Variants in CLASP1 observed in about 807,000 individuals in gnomAD.
CLASP1 encodes cytoplasmic linker associated protein 1.
A neutral mutation model predicts 192.3 loss-of-function variants in CLASP1; 38 were observed. The observed-to-expected ratio is 0.20, with a 90% CI of 0.15 to 0.26. The LOEUF is 0.26. Ranked by LOEUF, CLASP1 falls within the 10% of genes least tolerant of loss-of-function variation. The pLI, the probability that CLASP1 is intolerant of heterozygous loss-of-function variation, is 1.00. For missense variants in CLASP1, 1,433 were observed against 1,932.5 expected (o/e 0.74, Z 4.85); for synonymous variants, 691 against 712.8 (o/e 0.97, Z 0.49).
At chr2:121,501,661 T>C (rs1180919216) in intron 8 of CLASP1, among the ~76,000 whole-genome samples, 1 of 152,204 alleles carries the variant, frequency 6.6e-6, no homozygotes, top group Non-Finnish European at 1.5e-5. Context: ...GTATTTTATA[T>C]AGGAAACATG....
chr2:121,439,268 A>G (rs536098666), intron 19 of CLASP1, among the ~76,000 whole-genome samples: 1 of 152,238 alleles, frequency 6.6e-6, no homozygotes, highest in Non-Finnish European at 1.5e-5. Flanking sequence ...TGATCCTTTC[A>G]AAAAACCAGC....
At chr2:121,430,107 G>T in exon 20 of CLASP1, 1 of 1,575,164 alleles carries the variant, frequency 6.3e-7, no homozygotes, top group Non-Finnish European at 8.6e-7. Context: ...CGCGACTGCG[G>T]CCCCGGTTAT....
At chr2:121,343,532 G>A (rs1438844933) in intron 39 of CLASP1, among the ~76,000 whole-genome samples, 2 of 152,210 alleles carry the variant, frequency 1.3e-5, no homozygotes, top group African/African-American at 4.8e-5. Flanking sequence ...GATAAGCCCT[G>A]AGGACATTAT....
At chr2:121,631,814 AGGTG>A (rs1456754446) in intron 1 of CLASP1, among the ~76,000 whole-genome samples, 10 of 151,504 alleles carry the variant, frequency 6.6e-5, no homozygotes, top group Non-Finnish European at 1.5e-4. Context: ...TGAGAGGCTG[AGGTG>A]GGTGGGTCAC....
intron 1 of CLASP1, among the ~76,000 whole-genome samples, chr2:121,617,879 C>T (rs2066718499): frequency 6.6e-6 from 1 of 152,210 alleles, no homozygotes; most frequent in Non-Finnish European, 1.5e-5. Flanking sequence ...CCAAATACCT[C>T]TGAGCTCTAG....
intron 22 of CLASP1, among the ~76,000 whole-genome samples, chr2:121,422,379 A>G (rs980416646): frequency 6.6e-6 from 1 of 152,224 alleles, no homozygotes; most frequent in Non-Finnish European, 1.5e-5. Context: ...GAAAACCTTA[A>G]CATTTAAAAT....
chr2:121,338,292 C>CA (rs2062501576), exon 40 of CLASP1: 1 of 152,300 alleles, frequency 6.6e-6, no homozygotes, highest in African/African-American at 2.4e-5. Flanking sequence ...GAAGCACACA[C>CA]AGTGTACTTG....
intron 2 of CLASP1, among the ~76,000 whole-genome samples, chr2:121,566,542 G>A (rs540559212): frequency 1.3e-5 from 2 of 152,300 alleles, no homozygotes; most frequent in East Asian, 3.9e-4. Context: ...CTGCAAACAG[G>A]ACTTCCTTAG....
chr2:121,538,336 C>T (rs1387377672), intron 2 of CLASP1, among the ~76,000 whole-genome samples: 2 of 151,768 alleles, frequency 1.3e-5, no homozygotes, highest in East Asian at 1.9e-4. Flanking sequence ...CGCTTGAAAC[C>T]GGGAGGCAGA....
At chr2:121,400,409 CAG>C (rs1301557041) in intron 28 of CLASP1, among the ~76,000 whole-genome samples, 1 of 152,122 alleles carries the variant, frequency 6.6e-6, no homozygotes, top group East Asian at 1.9e-4. Context: ...ACTTTGAAGT[CAG>C]AGTCATGTAA....
chr2:121,376,264 A>G (rs2070099975), intron 34 of CLASP1, among the ~76,000 whole-genome samples: 1 of 152,218 alleles, frequency 6.6e-6, no homozygotes, highest in Non-Finnish European at 1.5e-5. Context: ...TAGCCAAGAT[A>G]CAGAATCAAT....
chr2:121,417,817 C>T (rs1188730267), intron 23 of CLASP1, among the ~76,000 whole-genome samples: 1 of 152,196 alleles, frequency 6.6e-6, no homozygotes, highest in Non-Finnish European at 1.5e-5. Flanking sequence ...TTTAACATCC[C>T]TCTTTCGTAG....
intron 38 of CLASP1, among the ~76,000 whole-genome samples, chr2:121,347,845 T>C (rs892083590): frequency 6.6e-6 from 1 of 152,146 alleles, no homozygotes; most frequent in Non-Finnish European, 1.5e-5. Context: ...AACAGCAGCA[T>C]TGATTAAATG....
exon 28 of CLASP1, chr2:121,401,658 A>C: frequency 6.2e-7 from 1 of 1,609,824 alleles, no homozygotes; most frequent in Non-Finnish European, 8.5e-7. Flanking sequence ...GAGTCTCCAA[A>C]AACATACTGA....
At chr2:121,384,994 T>C in intron 32 of CLASP1, among the ~76,000 whole-genome samples, 1 of 151,946 alleles carries the variant, frequency 6.6e-6, no homozygotes, top group Non-Finnish European at 1.5e-5. Flanking sequence ...AAATGGCAGG[T>C]CACAGAAAAT....
chr2:121,631,720 G>T (rs2069694578), intron 1 of CLASP1, among the ~76,000 whole-genome samples: 1 of 152,056 alleles, frequency 6.6e-6, no homozygotes. Flanking sequence ...AGAACAGCCT[G>T]GGCAACATAG....
chr2:121,539,399 G>A (rs925850481), intron 2 of CLASP1, among the ~76,000 whole-genome samples: 3 of 152,064 alleles, frequency 2.0e-5, no homozygotes, highest in Non-Finnish European at 2.9e-5. Context: ...GTGACAATAC[G>A]GCTACTTTTT....
At chr2:121,446,098 T>C (rs1365565000) in intron 19 of CLASP1, among the ~76,000 whole-genome samples, 1 of 152,236 alleles carries the variant, frequency 6.6e-6, no homozygotes, top group Non-Finnish European at 1.5e-5. Flanking sequence ...AAGAGAGTTC[T>C]TAATGAATTT....
chr2:121,633,028 A>ATATATATATATATATATATATATATAT (rs71398039), intron 1 of CLASP1, among the ~76,000 whole-genome samples: 8 of 137,546 alleles, frequency 5.8e-5, no homozygotes, highest in Admixed American at 1.4e-4. Context: ...ATATATATAT[A>ATATATATATATATATATATATATATAT]GGCTTTTTTT....
Sources: gnomAD v4.1 joint callset for allele counts (sites outside exome capture counted in the v4.1 genomes callset) on GRCh38, gnomAD v4.1.1 for gene constraint, MANE v1.5 for transcripts, NCBI Gene and HGNC (gene_info 2026-07-23, HGNC 2026-07-21) for gene names.